The following CTNNA3 variants were observed in gnomAD, a reference collection of about 807,000 sequenced individuals.
CTNNA3 encodes catenin alpha-3.
CTNNA3 carries 76 observed loss-of-function variants against 95.7 expected under a neutral mutation model. The ratio of observed to expected loss-of-function variants is 0.79; its 90% CI spans 0.66 to 0.96. The LOEUF (loss-of-function observed/expected upper bound fraction) is 0.96, where lower values mean the gene tolerates loss of function less well. Among genes scored for constraint, CTNNA3 ranks in the 40% least tolerant of loss-of-function variants. The probability of loss-of-function intolerance (pLI) is 0.00; values close to 1 mark genes in which losing one functional copy is unlikely to be tolerated. For missense variants in CTNNA3, 1,191 were observed against 1,089.8 expected (o/e 1.09, Z -1.31); for synonymous variants, 431 against 374.4 (o/e 1.15, Z -1.74).
intron 3 of CTNNA3, among the ~76,000 whole-genome samples, chr10:67,584,083 C>G (rs144828103): frequency 0.018 from 2,720 of 152,292 alleles, 34 homozygotes; most frequent in Non-Finnish European, 0.026. Flanking sequence ...AAGTCATTCT[C>G]CATCCAGCTT....
chr10:67,047,124 C>T (rs1854803343), intron 7 of CTNNA3, among the ~76,000 whole-genome samples: 1 of 152,150 alleles, frequency 6.6e-6, no homozygotes, highest in Admixed American at 6.5e-5. Context: ...TCAGACAGTA[C>T]ACTTATCTTC....
At chr10:67,446,886 A>G (rs1349551192) in intron 5 of CTNNA3, among the ~76,000 whole-genome samples, 1 of 152,180 alleles carries the variant, frequency 6.6e-6, no homozygotes, top group African/African-American at 2.4e-5. Context: ...AGGGTGGATG[A>G]TGAGGTCAGG....
intron 7 of CTNNA3, among the ~76,000 whole-genome samples, chr10:67,122,671 CA>C (rs1422931218): frequency 2.0e-5 from 3 of 151,968 alleles, no homozygotes; most frequent in African/African-American, 7.3e-5. Flanking sequence ...TATTTGTTTC[CA>C]GATTTAAAAA....
At chr10:67,095,855 C>A (rs1857958302) in intron 7 of CTNNA3, among the ~76,000 whole-genome samples, 1 of 151,834 alleles carries the variant, frequency 6.6e-6, no homozygotes, top group Non-Finnish European at 1.5e-5. Context: ...ATTCATGCTG[C>A]ACATTTACTT....
chr10:67,494,637 A>G (rs1342123851), intron 5 of CTNNA3, among the ~76,000 whole-genome samples: 3 of 152,224 alleles, frequency 2.0e-5, no homozygotes, highest in Non-Finnish European at 1.5e-5. Flanking sequence ...TGTGTTCTAG[A>G]ACAAGCTACT....
At chr10:66,428,320 C>T (rs547709839) in intron 11 of CTNNA3, among the ~76,000 whole-genome samples, 3 of 152,114 alleles carry the variant, frequency 2.0e-5, no homozygotes, top group African/African-American at 7.2e-5. Flanking sequence ...TTCAACATCC[C>T]ATTGTCAACA....
At chr10:67,084,406 T>C (rs1349255105) in intron 7 of CTNNA3, among the ~76,000 whole-genome samples, 1 of 152,100 alleles carries the variant, frequency 6.6e-6, no homozygotes, top group South Asian at 2.1e-4. Context: ...CACAACATCA[T>C]GAATACATTT....
rs1031684091 is a variant in CTNNA3 at position 66,972,676 on chromosome 10, C to A, written c.1048-197152G>T. Among the ~76,000 whole-genome samples the A allele has an allele frequency of 2.1e-5, 3 of 144,306 alleles. No homozygotes were observed. The Admixed American group carries it at 2.1e-4, about 10-fold the overall frequency. The allele number at this position is 144,306 out of a possible 152,430, so 94.7% of individuals were successfully genotyped here. On this transcript the variant is annotated intron_variant, in intron 7 of 17. Transcript: ENST00000433211. The stretch of plus-strand genomic sequence containing the variant: ...TAATATTAAAAGCTTTATATAGATA[C>A]AATTTAAAGGTTCTGTCAAATAGAT...
chr10:67,592,359 C>CT (rs1348000536), intron 3 of CTNNA3, among the ~76,000 whole-genome samples: 1 of 152,112 alleles, frequency 6.6e-6, no homozygotes, highest in African/African-American at 2.4e-5. Flanking sequence ...TCCTCCTCAC[C>CT]AAGCTGGGGG....
intron 6 of CTNNA3, among the ~76,000 whole-genome samples, chr10:67,206,523 G>A (rs1364825355): frequency 2.0e-5 from 3 of 151,720 alleles, no homozygotes; most frequent in Non-Finnish European, 4.4e-5. Flanking sequence ...AACCAATTAA[G>A]AAACTAAAGA....
intron 6 of CTNNA3, 38 bp from the exon 7 acceptor site, chr10:67,180,558 G>A (rs1313110833): frequency 6.7e-7 from 1 of 1,489,378 alleles, no homozygotes; most frequent in Non-Finnish European, 9.3e-7. Flanking sequence ...AGAGCTCCAT[G>A]GCATTTCACT....
At chr10:66,921,121 G>T (rs557588864) in intron 7 of CTNNA3, among the ~76,000 whole-genome samples, 18 of 152,292 alleles carry the variant, frequency 1.2e-4, no homozygotes, top group African/African-American at 4.1e-4. Context: ...CAGAAGACCT[G>T]ATGTCAAAGA....
intron 17 of CTNNA3, among the ~76,000 whole-genome samples, chr10:65,954,234 T>C (rs570205108): frequency 6.6e-6 from 1 of 152,340 alleles, no homozygotes; most frequent in East Asian, 1.9e-4. Context: ...GATGGGGCTG[T>C]TTGATTTTTT....
chr10:66,464,989 A>G (rs2131857877), intron 11 of CTNNA3, among the ~76,000 whole-genome samples: 1 of 152,212 alleles, frequency 6.6e-6, no homozygotes, highest in East Asian at 1.9e-4. Flanking sequence ...TTAGTTCCAT[A>G]TGGTAATTAG....
At chr10:67,275,951 T>C (rs1269047822) in intron 5 of CTNNA3, among the ~76,000 whole-genome samples, 1 of 152,200 alleles carries the variant, frequency 6.6e-6, no homozygotes, top group Non-Finnish European at 1.5e-5. Flanking sequence ...CGAATGGCAC[T>C]GAGCATAGTT....
chr10:65,962,544 TTCTC>T (rs892784145), intron 17 of CTNNA3, among the ~76,000 whole-genome samples: 3 of 152,118 alleles, frequency 2.0e-5, no homozygotes, highest in African/African-American at 7.2e-5. Context: ...TTCTCACTGT[TTCTC>T]TCTTAGACTA....
chr10:66,437,817 T>C (rs2093348873), intron 11 of CTNNA3, among the ~76,000 whole-genome samples: 1 of 152,324 alleles, frequency 6.6e-6, no homozygotes, highest in South Asian at 2.1e-4. Flanking sequence ...AGCTGCTTTT[T>C]CCTCATCTTT....
At chr10:66,215,439 A>T (rs151131122) in intron 13 of CTNNA3, among the ~76,000 whole-genome samples, 54 of 152,322 alleles carry the variant, frequency 3.5e-4, no homozygotes, top group African/African-American at 1.3e-3. Context: ...ATTTGAGGAA[A>T]CTACCCACTT....
At chr10:67,718,262 C>G (rs188101746) in intron 1 of CTNNA3, among the ~76,000 whole-genome samples, 6 of 152,302 alleles carry the variant, frequency 3.9e-5, no homozygotes, top group African/African-American at 1.4e-4. Context: ...CATCTGTAAA[C>G]AGAGACAATT....
Sources: allele counts gnomAD v4.1 joint callset (sites outside exome capture counted in the v4.1 genomes callset), GRCh38; gene constraint gnomAD v4.1.1; transcripts MANE v1.5; gene names NCBI Gene and HGNC (gene_info 2026-07-23, HGNC 2026-07-21).